CTU1: variants seen among roughly 807,000 people sequenced by gnomAD.
CTU1 encodes the protein cytosolic thiouridylase subunit 1, also known as cytoplasmic tRNA 2-thiolation protein 1.
Under a neutral mutation model 12.9 loss-of-function variants are expected in CTU1, and 15 were observed. The observed-to-expected ratio is 1.16, with a 90% CI of 0.78 to 1.79. The LOEUF is 1.79. Ranked by LOEUF, CTU1 falls within the 40% of genes most tolerant of loss-of-function variation. The pLI is 0.00. For missense variants in CTU1, 553 were observed against 550.5 expected (o/e 1.00, Z -0.05); for synonymous variants, 295 against 275.6 (o/e 1.07, Z -0.70).
intron 2 of CTU1, among the ~76,000 whole-genome samples, chr19:51,102,266 G>A (rs1403702880): frequency 6.6e-6 from 1 of 152,222 alleles, no homozygotes; most frequent in Non-Finnish European, 1.5e-5. Context: ...GCCTCCCAAA[G>A]TGCTGGGATT....
chr19:51,104,464 C>T lies in CTU1; in HGVS notation c.106G>A (p.Ala36Thr). Residue 36 changes from alanine (A) to threonine (T), a missense_variant, in exon 2 of 3, where the codon GCC (alanine) becomes ACC (threonine). This residue lies in a region of CTU1 where 500 missense variants were observed against 458.5 expected (regional missense o/e 1.09). Transcript: ENST00000421832. Reference protein sequence around the residue: ...CGACFCAAFEAEVLHTVLAGR... With the variant: ...CGACFCAAFETEVLHTVLAGR... ...GCGAGCACCGTGTGCAGCACCTCGG[C>T]CTCGAAGGCGGCGCAGAAGCAGGCA... 2.3e-6 allele frequency: 3 copies of T among 1,306,614 alleles called. No individual in the cohort carries two copies. Among genetic ancestry groups the T allele is most frequent in the Non-Finnish European group, 1.9e-6 (2 of 1,028,422 alleles). The allele number at this position is 1,306,614 out of a possible 1,614,324, so 80.9% of individuals were successfully genotyped here.
At chr19:51,106,462 C>T (rs2091920826) in intron 1 of CTU1, among the ~76,000 whole-genome samples, 1 of 152,198 alleles carries the variant, frequency 6.6e-6, no homozygotes, top group East Asian at 1.9e-4. Flanking sequence ...TCCTCAGGTC[C>T]TGCCTAGCAC....
rs1012830135 is a variant in CTU1 at position 51,098,557 on chromosome 19, C to T, written c.*44G>A. 29 of 1,236,968 alleles carry T rather than the reference C, an allele frequency of 2.3e-5. No individual in the cohort carries two copies. The highest frequency in any genetic ancestry group is 3.1e-5 in the African/African-American group (2 of 63,802). 76.6% of individuals were successfully genotyped at this position (1,236,968 alleles called of 1,614,324 possible). On this transcript the variant is annotated 3_prime_UTR_variant, in exon 3 of 3. Transcript: ENST00000421832. This position sits in a 1 kb window ranked among gnomAD's most constrained non-coding sequence, Gnocchi z 4.3. ...TATTCACAGTGTCATTTACAGGCAG[C>T]CCCCACCCCGCGGCATCAGATCCCG...
Position 51,098,394 on chromosome 19 carries a change from C to T in CTU1, c.*207G>A. 2.5e-6 allele frequency: 1 copy of T among 396,570 alleles called. No homozygotes were observed. The highest frequency in any genetic ancestry group is 4.2e-6 in the Non-Finnish European group (1 of 238,752). 24.6% of individuals were successfully genotyped at this position (396,570 alleles called of 1,614,324 possible). ...ATGGTCCCCCAGCCCCCTCCTCCCT[C>T]AGAGCCTGAAGCCCAGTTCGAGACC... On this transcript the variant is annotated 3_prime_UTR_variant, in exon 3 of 3. Coordinates refer to ENST00000421832, the MANE Select transcript of CTU1 (RefSeq NM_145232.4). The surrounding 1 kb of genome is among the most constrained non-coding windows in gnomAD (Gnocchi z 4.3).
chr19:51,104,419 C>T lies in CTU1; in HGVS notation c.151G>A (p.Gly51Ser), dbSNP rs2091915004. 7 of 1,219,434 alleles carry T rather than the reference C, an allele frequency of 5.7e-6. No homozygotes were observed. Among genetic ancestry groups the T allele is most frequent in the Non-Finnish European group, 7.2e-6 (7 of 977,754 alleles). The allele number at this position is 1,219,434 out of a possible 1,614,324, so 75.5% of individuals were successfully genotyped here. ...TVLAGRLLPP[G>S]AVVAVGASGG... ...GAGGCGCCCACGGCCACCACCGCGC[C>T]GGGCGGCAGCAGGCGGCCGGCGAGC... Residue 51 changes from glycine (G) to serine (S), a missense_variant, in exon 2 of 3, where the codon GGC becomes AGC. Transcript: ENST00000421832.
Position 51,099,016 on chromosome 19 carries a change from CG to C in CTU1, c.631del (p.Arg211AlafsTer98). The C allele has an allele frequency of 6.6e-7, 1 of 1,511,258 alleles. No individual in the cohort carries two copies. The highest frequency in any genetic ancestry group is 2.6e-5 in the East Asian group (1 of 38,296). The allele number at this position is 1,511,258 out of a possible 1,614,324, so 93.6% of individuals were successfully genotyped here. Reference protein sequence around the residue: ...PGEGGALPRCRPLQFASQKEV... With the variant: ...PGEGGALPRCXPLQFASQKEV... ...CTTCTGCGAGGCGAACTGCAGCGGG[CG>C]GCAGCGCGGCAGGGCGCCCCCCTCG... On this transcript the variant is annotated frameshift_variant, in exon 3 of 3. Transcript: ENST00000421832. LOFTEE classifies it high-confidence loss of function.
In CTU1 at chr19:51,098,034, T is replaced by C. The variant is rs2091895132; in HGVS notation, c.*567A>G. 1 of 152,290 alleles carries C rather than the reference T, an allele frequency of 6.6e-6. No individual in the cohort carries two copies. The highest frequency in any genetic ancestry group is 1.5e-5 in the Non-Finnish European group (1 of 68,126). The allele number at this position is 152,290 out of a possible 1,614,324, so 9.4% of individuals were successfully genotyped here. On this transcript the variant is annotated 3_prime_UTR_variant, in exon 3 of 3. Coordinates refer to ENST00000421832, the MANE Select transcript of CTU1 (RefSeq NM_145232.4). The surrounding 1 kb of genome is among the most constrained non-coding windows in gnomAD (Gnocchi z 4.3). ...GCAGTGCGTGCTACACACGAAGCGC[T>C]GGAAGGGAGGCATCGTGACGGCGGC...
intron 2 of CTU1, among the ~76,000 whole-genome samples, chr19:51,100,521 C>T (rs2091904811): frequency 6.6e-6 from 1 of 152,088 alleles, no homozygotes; most frequent in South Asian, 2.1e-4. Flanking sequence ...ATCTCTTGAA[C>T]CTGGGAGGGA....
Position 51,104,374 on chromosome 19 carries a change from C to T in CTU1, c.196G>A (p.Val66Met), listed in dbSNP as rs1396291989. Residue 66 changes from valine (V) to methionine (M), a missense_variant, in exon 2 of 3, where the codon GTG becomes ATG. By Grantham distance (21) the Val-to-Met change is conservative. Around this residue, in one of 2 missense-constraint regions of CTU1, gnomAD observed 500 missense variants for 458.5 expected, o/e 1.09. Transcript: ENST00000421832. ...VGASGGKDSTVLAHVLRALAP... is the reference protein window; with the variant it reads ...VGASGGKDSTMLAHVLRALAP... ...AGCGCGCGCAGCACGTGCGCCAGCACCGTGGAGTCCTTGCCGCCCGAGGCG... is the reference window on the plus strand; with the variant it reads ...AGCGCGCGCAGCACGTGCGCCAGCATCGTGGAGTCCTTGCCGCCCGAGGCG... 7.4e-7 allele frequency: 1 copy of T among 1,355,896 alleles called. No individual in the cohort carries two copies. The highest frequency in any genetic ancestry group is 9.5e-7 in the Non-Finnish European group (1 of 1,057,462). 84.0% of individuals were successfully genotyped at this position (1,355,896 alleles called of 1,614,324 possible).
intron 2 of CTU1, among the ~76,000 whole-genome samples, chr19:51,102,139 G>C (rs950069503): frequency 2.0e-5 from 3 of 152,152 alleles, no homozygotes; most frequent in Non-Finnish European, 4.4e-5. Flanking sequence ...GTGTAGCTGG[G>C]ATTACAGCCG....
chr19:51,098,479 G>T lies in CTU1; in HGVS notation c.*122C>A. On this transcript the variant is annotated 3_prime_UTR_variant, in exon 3 of 3. Transcript: ENST00000421832. This position sits in a 1 kb window ranked among gnomAD's most constrained non-coding sequence, Gnocchi z 4.3. ...GCTTCTTCAGGGTTTCAGGTGAATG[G>T]GCCCCCGTCTCCTTCCCAACCCCAC... 1 of 969,412 alleles carries T rather than the reference G, an allele frequency of 1.0e-6. No individual in the cohort carries two copies. 60.1% of individuals were successfully genotyped at this position (969,412 alleles called of 1,614,324 possible). A position where few individuals can be genotyped will look rare whatever the true frequency, so the allele number is the denominator to read the frequency against.
chr19:51,099,721 C>G (rs931756103), intron 2 of CTU1, among the ~76,000 whole-genome samples: 4 of 152,142 alleles, frequency 2.6e-5, no homozygotes, highest in African/African-American at 4.8e-5. Context: ...GGCATTTAAC[C>G]GAGATTCTCA....
Position 51,098,845 on chromosome 19 carries a change from T to G in CTU1, c.803A>C (p.His268Pro). The change falls in exon 3 of 3, where the codon CAC becomes CCC. Residue 268 changes from histidine to proline, a missense_variant. Transcript: ENST00000421832. The surrounding 1 kb of genome is among the most constrained non-coding windows in gnomAD (Gnocchi z 4.3). Reference protein sequence around the residue: ...ARPSAVLDLVHSAERLALAPA... With the variant: ...ARPSAVLDLVPSAERLALAPA... Reference sequence around the variant, plus strand: ...GGCCAGCGCCAGGCGCTCGGCCGAGTGCACGAGGTCCAGCACCGCGGACGG... The same window carrying G: ...GGCCAGCGCCAGGCGCTCGGCCGAGGGCACGAGGTCCAGCACCGCGGACGG... 8.0e-7 allele frequency: 1 copy of G among 1,251,130 alleles called. No individual in the cohort carries two copies. Among genetic ancestry groups the G allele is most frequent in the South Asian group, 1.9e-5 (1 of 53,992 alleles). 77.5% of individuals were successfully genotyped at this position (1,251,130 alleles called of 1,614,324 possible).
chr19:51,104,704 G>A (rs2091916204), intron 1 of CTU1, 114 bp from the exon 2 acceptor site: 1 of 815,890 alleles, frequency 1.2e-6, no homozygotes, highest in Non-Finnish European at 1.6e-6. Context: ...AGGGAGACGT[G>A]TGCGCGAGTG....
intron 1 of CTU1, among the ~76,000 whole-genome samples, chr19:51,105,427 A>G (rs2091918311): frequency 6.6e-6 from 1 of 151,744 alleles, no homozygotes; most frequent in South Asian, 2.1e-4. Context: ...CACCCAGCCT[A>G]GACTCCAACC....
At chr19:51,103,773 T>C (rs1447509091) in intron 2 of CTU1, among the ~76,000 whole-genome samples, 1 of 152,142 alleles carries the variant, frequency 6.6e-6, no homozygotes, top group Non-Finnish European at 1.5e-5. Context: ...CTCCCACCCC[T>C]TTGGCAATCT....
intron 2 of CTU1, among the ~76,000 whole-genome samples, chr19:51,100,975 C>T (rs1211660757): frequency 6.7e-6 from 1 of 150,234 alleles, no homozygotes; most frequent in African/African-American, 2.5e-5. Context: ...GACAGGGTCT[C>T]ACTTTAGTGC....
At position 51,099,035 on chromosome 19, in the gene CTU1, C is replaced by A. The variant is rs1399542102; in HGVS notation, c.613G>T (p.Gly205Cys). The change falls in exon 3 of 3, where the codon GGC (glycine) becomes TGC (cysteine). Residue 205 changes from glycine to cysteine, a missense_variant. By Grantham distance (159) the Gly-to-Cys change is radical (BLOSUM62 -3). Coordinates refer to ENST00000421832, the MANE Select transcript of CTU1 (RefSeq NM_145232.4). ...AGCGGGCGGCAGCGCGGCAGGGCGCCCCCCTCGCCGGGAGAGCCCAGGCCC... is the reference window on the plus strand; with the variant it reads ...AGCGGGCGGCAGCGCGGCAGGGCGCACCCCTCGCCGGGAGAGCCCAGGCCC... ...GGGLGSPGEG[G>C]ALPRCRPLQF... 4.6e-6 allele frequency: 7 copies of A among 1,510,876 alleles called. No individual in the cohort carries two copies. The highest frequency in any genetic ancestry group is 1.8e-4 in the Middle Eastern group (1 of 5,600). The allele number at this position is 1,510,876 out of a possible 1,614,324, so 93.6% of individuals were successfully genotyped here. A position where few individuals can be genotyped will look rare whatever the true frequency, so the allele number is the denominator to read the frequency against.
chr19:51,098,535 TCA>T lies in CTU1; in HGVS notation c.*64_*65del, dbSNP rs576079926. 1.6e-3 allele frequency: 1,966 copies of T among 1,203,184 alleles called. 21 individuals carry two copies. The South Asian group carries it at 0.024, about 15-fold the overall frequency. The allele number at this position is 1,203,184 out of a possible 1,614,324, so 74.5% of individuals were successfully genotyped here. A position where few individuals can be genotyped will look rare whatever the true frequency, so the allele number is the denominator to read the frequency against. ...AGGCCAGGTAAGGTAACGGGTTTATTCACAGTGTCATTTACAGGCAGCCCCCA... is the reference window on the plus strand; with the variant it reads ...AGGCCAGGTAAGGTAACGGGTTTATTCAGTGTCATTTACAGGCAGCCCCCA... On this transcript the variant is annotated 3_prime_UTR_variant, in exon 3 of 3. Coordinates refer to ENST00000421832, the MANE Select transcript of CTU1 (RefSeq NM_145232.4). The surrounding 1 kb of genome is among the most constrained non-coding windows in gnomAD (Gnocchi z 4.3).
Sources: gnomAD v4.1 joint callset for allele counts (sites outside exome capture counted in the v4.1 genomes callset) on GRCh38, gnomAD v4.1.1 for gene constraint, gnomAD v4.1.1 regional missense constraint, Gnocchi (gnomAD v3.1) non-coding constraint, MANE v1.5 for transcripts, NCBI Gene and HGNC (gene_info 2026-07-23, HGNC 2026-07-21) for gene names.